GSR: variants seen among roughly 807,000 people sequenced by gnomAD.
GSR encodes the protein glutathione-disulfide reductase.
In GSR, 48 loss-of-function variants were observed where a neutral mutation model predicts 56.5. The observed-to-expected ratio is 0.85, with a 90% confidence interval of 0.67 to 1.08. The LOEUF (loss-of-function observed/expected upper bound fraction) is 1.08, where lower values mean the gene tolerates loss of function less well. GSR is among the 50% of genes least tolerant of loss of function. The pLI is 0.00. For missense variants in GSR, 694 were observed against 703.3 expected (o/e 0.99, Z 0.15); for synonymous variants, 264 against 270.8 (o/e 0.97, Z 0.25).
chr8:30,694,752 CACT>C (rs1455539053), intron 7 of GSR, among the ~76,000 whole-genome samples: 1 of 151,904 alleles, frequency 6.6e-6, no homozygotes, highest in Non-Finnish European at 1.5e-5. Flanking sequence ...GGTGAAACCT[CACT>C]GGGTGTGGTG....
At chr8:30,711,221 A>G (rs1476579103) in intron 2 of GSR, among the ~76,000 whole-genome samples, 4 of 152,234 alleles carry the variant, frequency 2.6e-5, no homozygotes, top group Non-Finnish European at 5.9e-5. Flanking sequence ...ACAAGTTAAA[A>G]TGGAATGTCA....
At position 30,727,506 on chromosome 8, in the gene GSR, C is replaced by T. The variant is rs1220668029; in HGVS notation, c.306+24G>A. 5.9e-6 allele frequency: 9 copies of T among 1,533,672 alleles called. No individual in the cohort carries two copies. The African/African-American group carries it at 1.2e-4, about 21-fold the overall frequency. On this transcript the variant is annotated intron_variant, in intron 1 of 12. Transcript: ENST00000221130. The stretch of plus-strand genomic sequence containing the variant: ...GACCGAGACAAAGAGGCGCCCCCCG[C>T]CCGAACAAACCGGCGGTACTCACGC...
intron 1 of GSR, among the ~76,000 whole-genome samples, chr8:30,716,262 A>C (rs956068045): frequency 2.0e-5 from 3 of 152,244 alleles, no homozygotes; most frequent in Non-Finnish European, 2.9e-5. Context: ...ATTGAAGAGC[A>C]CTGGGCCAGA....
intron 9 of GSR, among the ~76,000 whole-genome samples, chr8:30,684,458 C>T (rs879292779): frequency 6.6e-6 from 1 of 152,004 alleles, no homozygotes; most frequent in Non-Finnish European, 1.5e-5. Context: ...TTGAGATCAG[C>T]TTGGGCAACA....
intron 9 of GSR, among the ~76,000 whole-genome samples, chr8:30,685,150 C>T (rs1281607653): frequency 1.3e-5 from 2 of 151,854 alleles, no homozygotes; most frequent in African/African-American, 2.4e-5. Context: ...TTAGTAGAGA[C>T]GGGGTTTCAC....
chr8:30,716,587 C>A (rs1233012375), intron 1 of GSR, among the ~76,000 whole-genome samples: 1 of 152,118 alleles, frequency 6.6e-6, no homozygotes, highest in Non-Finnish European at 1.5e-5. Flanking sequence ...GCAGGTGGAT[C>A]GCTTGAGGCC....
At position 30,708,107 on chromosome 8, in the gene GSR, G is replaced by C. The variant is rs8190955; in HGVS notation, c.457C>G (p.Arg153Gly). ...TTGTTTTGATAGATGGCATTCAGGC[G>C]GCTCACATAGGCATCCCGCTTTTCC... is the stretch of plus-strand genomic sequence containing the variant. ...IKEKRDAYVS[R>G]LNAIYQNNLT... is the part of the protein sequence containing the mutation. Residue 153 changes from arginine (R) to glycine (G), a missense_variant, in exon 4 of 13, where the codon CGC becomes GGC. By Grantham distance (125) the Arg-to-Gly change is moderately radical. Coordinates refer to ENST00000221130, the MANE Select transcript of GSR (RefSeq NM_000637.5). The C allele has an allele frequency of 1.9e-6, 3 of 1,613,324 alleles. No homozygotes were observed. The highest frequency in any genetic ancestry group is 2.5e-6 in the Non-Finnish European group (3 of 1,179,314).
chr8:30,679,224 A>G lies in GSR; in HGVS notation c.*296T>C, dbSNP rs1802854405. On this transcript the variant is annotated 3_prime_UTR_variant, in exon 13 of 13. Coordinates refer to ENST00000221130, the MANE Select transcript of GSR (RefSeq NM_000637.5). ...AGTTAATTGTACTTCACAAAGCTTT[A>G]TATTTGGGATGAGGCTAAAACAGAA... 5 of 378,992 alleles carry G rather than the reference A, an allele frequency of 1.3e-5. No homozygotes were observed. The highest frequency in any genetic ancestry group is 6.3e-5 in the African/African-American group (3 of 47,836). 23.5% of individuals were successfully genotyped at this position (378,992 alleles called of 1,614,324 possible). A position where few individuals can be genotyped will look rare whatever the true frequency, so the allele number is the denominator to read the frequency against.
chr8:30,718,089 G>T (rs188509518), intron 1 of GSR, among the ~76,000 whole-genome samples: 4,010 of 149,102 alleles, frequency 0.027, 86 homozygotes, highest in Non-Finnish European at 0.037. Flanking sequence ...CAACAAGAGT[G>T]AAATTCTGTC....
chr8:30,699,968 G>A lies in GSR; in HGVS notation c.695+113C>T, dbSNP rs1237579286. 5.0e-6 allele frequency: 4 copies of A among 799,974 alleles called. No homozygotes were observed. The African/African-American group carries it at 6.7e-5, about 13-fold the overall frequency. The allele number at this position is 799,974 out of a possible 1,614,324, so 49.6% of individuals were successfully genotyped here. A position where few individuals can be genotyped will look rare whatever the true frequency, so the allele number is the denominator to read the frequency against. On this transcript the variant is annotated intron_variant, in intron 6 of 12. Transcript: ENST00000221130. ...GGTCATGAAAAGAGAAGCTGTAAGA[G>A]GAGGGAATTCAGGAAAGGCCTACAT... is the stretch of plus-strand genomic sequence containing the variant.
Position 30,708,155 on chromosome 8 carries a change from C to G in GSR, c.423-14G>C. On this transcript the variant is annotated splice_polypyrimidine_tract_variant and intron_variant, in intron 3 of 12. Transcript: ENST00000221130. ...TCCTTAATAACACTGCAATGAAACC[C>G]AAGTCAGTATTCAGAAACAGGATCT... 1 of 1,594,104 alleles carries G rather than the reference C, an allele frequency of 6.3e-7. No individual in the cohort carries two copies. Among genetic ancestry groups the G allele is most frequent in the East Asian group, 2.2e-5 (1 of 44,788 alleles).
chr8:30,717,249 G>GAAACAAACAAAC (rs8190908), intron 1 of GSR, among the ~76,000 whole-genome samples: 2,646 of 151,844 alleles, frequency 0.017, 35 homozygotes, highest in Middle Eastern at 0.037. Context: ...AAAGAAAAAG[G>GAAACAAACAAAC]AAACAAACAA....
chr8:30,679,678 A>G lies in GSR; in HGVS notation c.1420-9T>C, dbSNP rs780509575. ...ATATGGATCCCAACCACCTGGGAAA[A>G]GAAGAGAAACATTTTCTTTTCTTTC... On this transcript the variant is annotated splice_polypyrimidine_tract_variant and intron_variant, in intron 12 of 12. Coordinates refer to ENST00000221130, the MANE Select transcript of GSR (RefSeq NM_000637.5). 1.2e-6 allele frequency: 2 copies of G among 1,611,884 alleles called. No homozygotes were observed. The highest frequency in any genetic ancestry group is 4.5e-5 in the East Asian group (2 of 44,812).
chr8:30,690,046 TATAA>T lies in GSR; in HGVS notation c.883-731_883-728del, dbSNP rs202241235. 7.9e-3 allele frequency among the ~76,000 whole-genome samples: 1,127 copies of T among 143,038 alleles called. 11 individuals carry two copies. Among genetic ancestry groups the T allele is most frequent in the African/African-American group, 0.027 (1,069 of 39,486 alleles). The allele number at this position is 143,038 out of a possible 152,430, so 93.8% of individuals were successfully genotyped here. ...CGTATATTTATATATGTATATTATA[TATAA>T]ATATACATATAAATAAAATATACAT... On this transcript the variant is annotated intron_variant, in intron 8 of 12. Coordinates refer to ENST00000221130, the MANE Select transcript of GSR (RefSeq NM_000637.5).
At chr8:30,702,495 A>G (rs1803777981) in intron 5 of GSR, among the ~76,000 whole-genome samples, 1 of 152,278 alleles carries the variant, frequency 6.6e-6, no homozygotes, top group South Asian at 2.1e-4. Flanking sequence ...CTCTCTCTTG[A>G]ACAAAACAAT....
chr8:30,688,321 A>G (rs1404983616), intron 9 of GSR, among the ~76,000 whole-genome samples: 1 of 152,160 alleles, frequency 6.6e-6, no homozygotes. Context: ...GCTCATGTTT[A>G]TAATCCGAGC....
At chr8:30,725,025 A>C (rs1804679140) in intron 1 of GSR, among the ~76,000 whole-genome samples, 1 of 152,244 alleles carries the variant, frequency 6.6e-6, no homozygotes, top group Non-Finnish European at 1.5e-5. Context: ...TCCTTCTGGC[A>C]TACTTTGGGG....
chr8:30,712,363 A>G (rs761907697), intron 1 of GSR, among the ~76,000 whole-genome samples: 2 of 152,202 alleles, frequency 1.3e-5, no homozygotes, highest in Non-Finnish European at 2.9e-5. Context: ...CTTCTCGGGA[A>G]AGTACTGCAG....
At chr8:30,718,992 C>T (rs1301525133) in intron 1 of GSR, among the ~76,000 whole-genome samples, 1 of 151,876 alleles carries the variant, frequency 6.6e-6, no homozygotes, top group East Asian at 1.9e-4. Context: ...TCCAGTGGTG[C>T]CATCTCGGTT....
Sources: allele counts gnomAD v4.1 joint callset (sites outside exome capture counted in the v4.1 genomes callset), GRCh38; gene constraint gnomAD v4.1.1; transcripts MANE v1.5; gene names NCBI Gene and HGNC (gene_info 2026-07-23, HGNC 2026-07-21).